Variants in CDH12 observed in about 807,000 individuals in gnomAD.
The protein encoded by CDH12 is cadherin-12.
A neutral mutation model predicts 74.1 loss-of-function variants in CDH12; 41 were observed. That is an observed-to-expected ratio of 0.55 (90% CI 0.43 to 0.72). The LOEUF is 0.72. Ranked by LOEUF, CDH12 falls within the 30% of genes least tolerant of loss-of-function variation. The pLI is 0.00. For missense variants in CDH12, 945 were observed against 977.2 expected (o/e 0.97, Z 0.44); for synonymous variants, 399 against 355.0 (o/e 1.12, Z -1.39).
intron 6 of CDH12, among the ~76,000 whole-genome samples, chr5:21,914,860 A>C (rs1754017040): frequency 6.6e-6 from 1 of 152,240 alleles, no homozygotes; most frequent in Non-Finnish European, 1.5e-5. Flanking sequence ...ATTAATCATC[A>C]CATGAAATGC....
intron 1 of CDH12, among the ~76,000 whole-genome samples, chr5:22,620,073 G>T (rs957874819): frequency 2.0e-5 from 3 of 152,022 alleles, no homozygotes; most frequent in Admixed American, 6.6e-5. Context: ...CAATAAAAAA[G>T]CTAGTTTTTG....
intron 9 of CDH12, among the ~76,000 whole-genome samples, chr5:21,811,346 CTTAA>C (rs1747733914): frequency 1.3e-5 from 2 of 152,124 alleles, no homozygotes; most frequent in East Asian, 1.9e-4. Context: ...CAAGTATTCA[CTTAA>C]TTATTTTAAT....
intron 1 of CDH12, among the ~76,000 whole-genome samples, chr5:22,732,517 C>T (rs1475507064): frequency 6.6e-6 from 1 of 150,752 alleles, no homozygotes; most frequent in Non-Finnish European, 1.5e-5. Context: ...AATTCCAAAC[C>T]CCTACTATCC....
intron 1 of CDH12, among the ~76,000 whole-genome samples, chr5:22,731,245 G>A (rs1744417677): frequency 6.6e-6 from 1 of 151,822 alleles, no homozygotes; most frequent in African/African-American, 2.4e-5. Flanking sequence ...TCAAGTTTAA[G>A]AACCAGTGTT....
At chr5:22,813,986 T>C (rs1749270864) in intron 1 of CDH12, among the ~76,000 whole-genome samples, 1 of 152,162 alleles carries the variant, frequency 6.6e-6, no homozygotes, top group African/African-American at 2.4e-5. Flanking sequence ...GTAACACTGC[T>C]AAGGGAAAAT....
chr5:22,369,056 G>C (rs1261799171), intron 3 of CDH12, among the ~76,000 whole-genome samples: 2 of 152,140 alleles, frequency 1.3e-5, no homozygotes, highest in East Asian at 3.9e-4. Context: ...TTGAACCCGG[G>C]AGGCGGAGGT....
chr5:22,631,816 A>G (rs13153339), intron 1 of CDH12, among the ~76,000 whole-genome samples: 85,036 of 151,888 alleles, frequency 0.56, 24,146 homozygotes, highest in East Asian at 0.68. Context: ...GGAGCAGGAC[A>G]AAGAGAGGAA....
intron 1 of CDH12, among the ~76,000 whole-genome samples, chr5:22,713,114 T>C (rs1290960593): frequency 6.8e-6 from 1 of 147,370 alleles, no homozygotes; most frequent in Non-Finnish European, 1.5e-5. Flanking sequence ...TTACTTTCCA[T>C]ATGATCTTAT....
chr5:22,008,596 C>T (rs1387667709), intron 5 of CDH12, among the ~76,000 whole-genome samples: 1 of 152,152 alleles, frequency 6.6e-6, no homozygotes, highest in Non-Finnish European at 1.5e-5. Context: ...GAGGTTTGAT[C>T]GTATCCTTTG....
intron 1 of CDH12, among the ~76,000 whole-genome samples, chr5:22,641,239 T>C (rs1349084110): frequency 1.3e-5 from 2 of 152,258 alleles, no homozygotes; most frequent in Middle Eastern, 3.4e-3. Flanking sequence ...GGGAAGCTGA[T>C]GGTGTGCCTT....
chr5:22,247,546 G>A (rs7713605), intron 3 of CDH12, among the ~76,000 whole-genome samples: 11,836 of 152,076 alleles, frequency 0.078, 527 homozygotes, highest in South Asian at 0.15. Context: ...ATGGTGGCGC[G>A]TGCCTGTAGT....
At chr5:21,869,106 C>T (rs1751484123) in intron 6 of CDH12, among the ~76,000 whole-genome samples, 1 of 152,090 alleles carries the variant, frequency 6.6e-6, no homozygotes, top group South Asian at 2.1e-4. Context: ...CCTCATGCAT[C>T]TAAGTCAACA....
intron 6 of CDH12, among the ~76,000 whole-genome samples, chr5:21,861,878 A>T (rs540929835): frequency 3.0e-4 from 44 of 145,256 alleles, no homozygotes; most frequent in African/African-American, 1.0e-3. Context: ...CTTTAACAGC[A>T]TGTAGTTTTT....
intron 6 of CDH12, among the ~76,000 whole-genome samples, chr5:21,873,206 T>C (rs1751738776): frequency 6.6e-6 from 1 of 152,188 alleles, no homozygotes; most frequent in Non-Finnish European, 1.5e-5. Context: ...TATTAATATA[T>C]CACCATCTCC....
At chr5:21,820,227 C>T (rs1748291444) in intron 8 of CDH12, among the ~76,000 whole-genome samples, 1 of 151,824 alleles carries the variant, frequency 6.6e-6, no homozygotes, top group South Asian at 2.1e-4. Context: ...TTTTATGGGG[C>T]TAGTCACAAT....
At chr5:22,650,284 C>A (rs759841707) in intron 1 of CDH12, among the ~76,000 whole-genome samples, 3 of 151,940 alleles carry the variant, frequency 2.0e-5, no homozygotes, top group Non-Finnish European at 4.4e-5. Flanking sequence ...GTTTCATTTC[C>A]TAAGCTTGGT....
At chr5:22,137,666 T>C (rs771925908) in intron 4 of CDH12, among the ~76,000 whole-genome samples, 1 of 152,078 alleles carries the variant, frequency 6.6e-6, no homozygotes, top group Non-Finnish European at 1.5e-5. Context: ...CAATTGTAAT[T>C]GGTGCCACCT....
chr5:21,778,757 C>T (rs747359005), intron 11 of CDH12, among the ~76,000 whole-genome samples: 1 of 151,962 alleles, frequency 6.6e-6, no homozygotes, highest in Non-Finnish European at 1.5e-5. Context: ...TCTCCTAACC[C>T]ACAACAAATA....
chr5:21,991,447 C>T (rs1757745171), intron 5 of CDH12, among the ~76,000 whole-genome samples: 1 of 106,962 alleles, frequency 9.3e-6, no homozygotes, highest in East Asian at 2.6e-4. Flanking sequence ...CAGACAAGCA[C>T]AATTTTTGCA....
Sources: gnomAD v4.1 joint callset for allele counts (sites outside exome capture counted in the v4.1 genomes callset) on GRCh38, gnomAD v4.1.1 for gene constraint, MANE v1.5 for transcripts, NCBI Gene and HGNC (gene_info 2026-07-23, HGNC 2026-07-21) for gene names.